RAD50: variants seen among roughly 807,000 people sequenced by gnomAD.
The protein encoded by RAD50 is DNA repair protein RAD50.
RAD50 carries 132 observed loss-of-function variants against 168.8 expected under a neutral mutation model. The ratio of observed to expected loss-of-function variants is 0.78; its 90% confidence interval spans 0.68 to 0.90. RAD50 has a LOEUF of 0.90. Ranked by LOEUF, RAD50 falls within the 40% of genes least tolerant of loss-of-function variation. RAD50 has a pLI of 0.00. For missense variants in RAD50, 1,347 were observed against 1,534.4 expected (o/e 0.88, Z 2.04); for synonymous variants, 525 against 497.4 (o/e 1.06, Z -0.74).
At chr5:132,567,733 T>C (rs548877343) in intron 2 of RAD50, among the ~76,000 whole-genome samples, 1 of 152,302 alleles carries the variant, frequency 6.6e-6, no homozygotes, top group South Asian at 2.1e-4. Flanking sequence ...TGAGTCCTGA[T>C]GTGCCAGAAT....
chr5:132,619,010 C>T (rs1009938118), intron 21 of RAD50, among the ~76,000 whole-genome samples: 1 of 152,068 alleles, frequency 6.6e-6, no homozygotes, highest in African/African-American at 2.4e-5. Flanking sequence ...ATATGATATT[C>T]TAGGACTTGC....
intron 21 of RAD50, 79 bp from the exon 22 acceptor site, chr5:132,637,036 A>T: frequency 2.0e-6 from 2 of 1,016,090 alleles, no homozygotes; most frequent in Non-Finnish European, 2.5e-6. Context: ...TATATATTAT[A>T]TATTTTATGT....
intron 20 of RAD50, among the ~76,000 whole-genome samples, chr5:132,616,998 G>C (rs975587306): frequency 2.0e-5 from 3 of 152,102 alleles, no homozygotes; most frequent in African/African-American, 7.2e-5. Flanking sequence ...CCTATATCAG[G>C]GAAATCAGAT....
At chr5:132,564,714 C>T (rs1750178082) in intron 2 of RAD50, among the ~76,000 whole-genome samples, 1 of 152,170 alleles carries the variant, frequency 6.6e-6, no homozygotes, top group South Asian at 2.1e-4. Context: ...AGCCAAGACA[C>T]TGGGGAAAAT....
chr5:132,586,375 AC>A (rs1241100366), intron 5 of RAD50, among the ~76,000 whole-genome samples: 2 of 152,300 alleles, frequency 1.3e-5, no homozygotes, highest in Non-Finnish European at 2.9e-5. Flanking sequence ...TTATAGCAGC[AC>A]CTAGTACAGT....
intron 21 of RAD50, among the ~76,000 whole-genome samples, chr5:132,633,147 C>T (rs1751507769): frequency 7.4e-6 from 1 of 134,912 alleles, no homozygotes; most frequent in African/African-American, 2.9e-5. Flanking sequence ...GTCGTCCAGG[C>T]TGGAGTGCAG....
intron 19 of RAD50, among the ~76,000 whole-genome samples, chr5:132,612,717 A>G (rs981734563): frequency 1.2e-4 from 18 of 151,948 alleles, no homozygotes; most frequent in Non-Finnish European, 1.6e-4. Flanking sequence ...AGTCCCAGCT[A>G]CTCAGGAGGC....
intron 19 of RAD50, among the ~76,000 whole-genome samples, chr5:132,615,485 G>A (rs758309523): frequency 5.9e-5 from 9 of 152,156 alleles, no homozygotes; most frequent in Admixed American, 1.3e-4. Context: ...TACATGTTGG[G>A]AGACAGAACT....
Position 132,588,836 on chromosome 5 carries a change from A to T in RAD50, c.1201A>T (p.Arg401Ter), listed in dbSNP as rs199867309. ...RQIKNFHKLV[R>*]ERQEGEAKTA... ...GATTAAAAATTTTCACAAACTTGTG[A>T]GAGAGAGACAAGAAGGGGAAGCAAA... The change falls in exon 8 of 25, where the codon AGA (arginine) becomes TGA (stop). Residue 401 changes from arginine to a stop codon, truncating the protein, a stop_gained. Transcript: ENST00000378823. LOFTEE classifies it high-confidence loss of function. 2.5e-6 allele frequency: 4 copies of T among 1,613,852 alleles called. No individual in the cohort carries two copies.
intron 8 of RAD50, among the ~76,000 whole-genome samples, chr5:132,589,332 G>A (rs1245128848): frequency 6.6e-6 from 1 of 152,042 alleles, no homozygotes; most frequent in Non-Finnish European, 1.5e-5. Context: ...TCATGTTACA[G>A]TTGCCAAAGT....
chr5:132,610,067 G>A (rs751939732), intron 19 of RAD50, among the ~76,000 whole-genome samples: 10 of 151,314 alleles, frequency 6.6e-5, no homozygotes, highest in Admixed American at 1.3e-4. Flanking sequence ...TTTTATGGAT[G>A]GGGTCGTATC....
intron 13 of RAD50, among the ~76,000 whole-genome samples, 189 bp downstream of exon 13, chr5:132,595,999 T>G (rs1372351600): frequency 1.3e-5 from 2 of 151,914 alleles, no homozygotes; most frequent in African/African-American, 4.8e-5. Context: ...CTTTTTTTCT[T>G]TTTCTTTTTT....
chr5:132,609,556 T>C (rs1186266225), intron 19 of RAD50, among the ~76,000 whole-genome samples, 160 bp downstream of exon 19: 1 of 152,052 alleles, frequency 6.6e-6, no homozygotes, highest in Non-Finnish European at 1.5e-5. Flanking sequence ...CCGAGGCGGG[T>C]GGATCACTTG....
In RAD50 at chr5:132,603,386, A is replaced by G. The variant is rs587782573; in HGVS notation, c.2294A>G (p.Lys765Arg). ...QNVNRDIQRL[K>R]NDIEEQETLL... ...GTCAATAGAGACATACAGCGCCTAAAGAACGACATAGAAGAACAAGAAACA... is the reference window on the plus strand; with the variant it reads ...GTCAATAGAGACATACAGCGCCTAAGGAACGACATAGAAGAACAAGAAACA... The change falls in exon 14 of 25, where the codon AAG becomes AGG. Residue 765 changes from lysine to arginine, a missense_variant. Transcript: ENST00000378823. The G allele has an allele frequency of 2.5e-6, 4 of 1,613,790 alleles. No individual in the cohort carries two copies. Among genetic ancestry groups the G allele is most frequent in the Non-Finnish European group, 3.4e-6 (4 of 1,179,840 alleles).
intron 2 of RAD50, among the ~76,000 whole-genome samples, chr5:132,575,326 C>T (rs1750373844): frequency 6.6e-6 from 1 of 152,162 alleles, no homozygotes; most frequent in African/African-American, 2.4e-5. Context: ...TCTCGTGAGA[C>T]TTACTCACTG....
chr5:132,615,400 T>G (rs1006737041), intron 19 of RAD50, among the ~76,000 whole-genome samples: 2 of 152,202 alleles, frequency 1.3e-5, no homozygotes, highest in Non-Finnish European at 2.9e-5. Context: ...CTTACTGCCT[T>G]GAGTGATTAC....
At position 132,646,113 on chromosome 5, in the gene RAD50, A is replaced by AAAAAAAAAAT. The variant is rs61495871; in HGVS notation, c.*3749_*3750insAAAAAAAAAT. 1 of 149,260 alleles carries AAAAAAAAAAT rather than the reference A, an allele frequency of 6.7e-6. No homozygotes were observed. Among genetic ancestry groups the AAAAAAAAAAT allele is most frequent in the African/African-American group, 2.5e-5 (1 of 40,530 alleles). The allele number at this position is 149,260 out of a possible 1,614,324, so 9.2% of individuals were successfully genotyped here. ...AAGACAAAAAAAAAAAAAAAAAAAA[A>AAAAAAAAAAT]GCAGCAGCAGCTGAAAGTTGGCAGG... On this transcript the variant is annotated 3_prime_UTR_variant, in exon 25 of 25. Coordinates refer to ENST00000378823, the MANE Select transcript of RAD50 (RefSeq NM_005732.4).
In RAD50 at chr5:132,594,830, C is replaced by T. The variant is rs758778065; in HGVS notation, c.1794-39C>T. On this transcript the variant is annotated intron_variant, in intron 11 of 24. Coordinates refer to ENST00000378823, the MANE Select transcript of RAD50 (RefSeq NM_005732.4). ...ACTCAAATTTTCAAACTAATTTCTC[C>T]TATTTTAAAATGAAAATCCATATTT... The T allele has an allele frequency of 3.2e-6, 5 of 1,561,092 alleles. No homozygotes were observed. In the East Asian group the frequency reaches 9.0e-5, roughly 28 times the overall value.
intron 19 of RAD50, among the ~76,000 whole-genome samples, chr5:132,614,495 AG>A (rs1751140836): frequency 6.6e-6 from 1 of 151,862 alleles, no homozygotes; most frequent in South Asian, 2.1e-4. Context: ...GATTGGTTCC[AG>A]GATCCCCCGA....
Sources: allele counts gnomAD v4.1 joint callset (sites outside exome capture counted in the v4.1 genomes callset), GRCh38; gene constraint gnomAD v4.1.1; transcripts MANE v1.5; gene names NCBI Gene and HGNC (gene_info 2026-07-23, HGNC 2026-07-21).